Variants in SH3GL3 observed in about 807,000 individuals in gnomAD.
SH3GL3 encodes the protein endophilin-A3.
In SH3GL3, 33 loss-of-function variants were observed where a neutral mutation model predicts 47.7. That is an observed-to-expected ratio of 0.69 (90% CI 0.52 to 0.92). The LOEUF is 0.92. SH3GL3 is among the 40% of genes least tolerant of loss of function. The pLI is 0.00. For missense variants in SH3GL3, 363 were observed against 417.8 expected (o/e 0.87, Z 1.14); for synonymous variants, 155 against 148.8 (o/e 1.04, Z -0.30).
intron 1 of SH3GL3, among the ~76,000 whole-genome samples, chr15:83,526,942 T>G: frequency 6.6e-6 from 1 of 152,238 alleles, no homozygotes. Context: ...CCTCCTTGGT[T>G]AAATGTATTC....
At chr15:83,562,880 A>G (rs1041599516) in intron 2 of SH3GL3, among the ~76,000 whole-genome samples, 4 of 152,208 alleles carry the variant, frequency 2.6e-5, no homozygotes, top group African/African-American at 7.2e-5. Flanking sequence ...TGAACATACC[A>G]AAGAGAGCTC....
chr15:83,477,628 G>A (rs907275566), intron 1 of SH3GL3, among the ~76,000 whole-genome samples: 1 of 152,148 alleles, frequency 6.6e-6, no homozygotes, highest in African/African-American at 2.4e-5. Context: ...ATTGGAGCAG[G>A]CGTGGACCAT....
chr15:83,582,654 A>C (rs1249781569), intron 6 of SH3GL3, among the ~76,000 whole-genome samples: 1 of 152,284 alleles, frequency 6.6e-6, no homozygotes, highest in Non-Finnish European at 1.5e-5. Context: ...ATTATTACTA[A>C]TGTTTCAGGA....
chr15:83,593,818 AT>A (rs112418681), intron 8 of SH3GL3, among the ~76,000 whole-genome samples: 23,556 of 147,658 alleles, frequency 0.16, 1,874 homozygotes, highest in African/African-American at 0.18. Flanking sequence ...TTTTTCATAG[AT>A]TTTTTTTTTT....
At chr15:83,531,987 C>T (rs1293339912) in intron 1 of SH3GL3, among the ~76,000 whole-genome samples, 2 of 152,126 alleles carry the variant, frequency 1.3e-5, no homozygotes, top group African/African-American at 4.8e-5. Flanking sequence ...CTGAAAACTT[C>T]AGCATGTACA....
Position 83,483,560 on chromosome 15 carries a change from G to A in SH3GL3, c.45+35982G>A, listed in dbSNP as rs550149022. 5.8e-4 allele frequency among the ~76,000 whole-genome samples: 89 copies of A among 152,276 alleles called. 3 individuals carry two copies. In the South Asian group the frequency reaches 0.018, roughly 31 times the overall value. Reference sequence around the variant, plus strand: ...TGATTTGTTTACTGTTGTGTTCCCAGCCCCAGTACTTGTCACACAGTAGAC... The same window carrying A: ...TGATTTGTTTACTGTTGTGTTCCCAACCCCAGTACTTGTCACACAGTAGAC... On this transcript the variant is annotated intron_variant, in intron 1 of 8. Coordinates refer to ENST00000427482, the MANE Select transcript of SH3GL3 (RefSeq NM_003027.5).
At chr15:83,474,330 A>G (rs1397846805) in intron 1 of SH3GL3, among the ~76,000 whole-genome samples, 4 of 152,168 alleles carry the variant, frequency 2.6e-5, no homozygotes, top group Non-Finnish European at 5.9e-5. Context: ...GCTTCTGTTT[A>G]CCTTCAGCCT....
rs539683924 is a variant in SH3GL3, at chr15:83,530,071, T to G, written c.46-29182T>G. ...GCATCATGCTACTGCAGTCCTCCAG[T>G]GTAGGGGGTTGTTAGTGGTGCTTCA... On this transcript the variant is annotated intron_variant, in intron 1 of 8. Coordinates refer to ENST00000427482, the MANE Select transcript of SH3GL3 (RefSeq NM_003027.5). Among the ~76,000 whole-genome samples the G allele has an allele frequency of 3.3e-5, 5 of 152,002 alleles. No individual in the cohort carries two copies. The East Asian group carries it at 9.7e-4, about 30-fold the overall frequency.
At chr15:83,471,941 T>C (rs1200279261) in intron 1 of SH3GL3, among the ~76,000 whole-genome samples, 1 of 152,136 alleles carries the variant, frequency 6.6e-6, no homozygotes, top group Non-Finnish European at 1.5e-5. Context: ...TGGAGTGCAG[T>C]GGTGCCATCT....
chr15:83,528,988 A>G (rs990171782), intron 1 of SH3GL3, among the ~76,000 whole-genome samples: 1 of 151,804 alleles, frequency 6.6e-6, no homozygotes, highest in Non-Finnish European at 1.5e-5. Flanking sequence ...AGATGTGTTT[A>G]TGTTGATGGT....
At chr15:83,592,025 G>A (rs1045732204) in intron 8 of SH3GL3, among the ~76,000 whole-genome samples, 2 of 152,132 alleles carry the variant, frequency 1.3e-5, no homozygotes, top group Non-Finnish European at 2.9e-5. Context: ...GTGAGAAATG[G>A]CAGTTTCCCC....
At chr15:83,522,360 C>A (rs2043243649) in intron 1 of SH3GL3, among the ~76,000 whole-genome samples, 1 of 152,162 alleles carries the variant, frequency 6.6e-6, no homozygotes, top group Admixed American at 6.5e-5. Flanking sequence ...GAATGAACAA[C>A]CATAATGTGA....
intron 2 of SH3GL3, among the ~76,000 whole-genome samples, chr15:83,562,782 T>C (rs2045349578): frequency 6.6e-6 from 1 of 152,218 alleles, no homozygotes; most frequent in African/African-American, 2.4e-5. Flanking sequence ...TAACAGCATT[T>C]TCCTAAGCCC....
At chr15:83,566,358 G>GAGAA (rs2045535585) in intron 3 of SH3GL3, among the ~76,000 whole-genome samples, 1 of 121,316 alleles carries the variant, frequency 8.2e-6, no homozygotes, top group East Asian at 2.4e-4. Context: ...GAGAGAGAGA[G>GAGAA]AGAGAGAGTG....
At chr15:83,521,315 A>T (rs947380476) in intron 1 of SH3GL3, among the ~76,000 whole-genome samples, 2 of 152,240 alleles carry the variant, frequency 1.3e-5, no homozygotes, top group Admixed American at 6.5e-5. Flanking sequence ...TCATACAGGG[A>T]TCTGGCTATA....
In SH3GL3 at chr15:83,498,196, T is replaced by A. The variant is rs986317593; in HGVS notation, c.45+50618T>A. 3.3e-5 allele frequency among the ~76,000 whole-genome samples: 5 copies of A among 152,228 alleles called. No homozygotes were observed. In the East Asian group the frequency reaches 9.6e-4, roughly 29 times the overall value. ...ATTAGTTTTCAAAAAATATATTTTT[T>A]AAGTCCATCCAAACATTTTCATCAC... On this transcript the variant is annotated intron_variant, in intron 1 of 8. Transcript: ENST00000427482.
At chr15:83,523,584 G>T (rs1227188201) in intron 1 of SH3GL3, among the ~76,000 whole-genome samples, 3 of 152,212 alleles carry the variant, frequency 2.0e-5, no homozygotes, top group Admixed American at 2.0e-4. Context: ...CACATTAGCA[G>T]TTTTTGGCTC....
At chr15:83,500,240 C>T (rs1027497984) in intron 1 of SH3GL3, among the ~76,000 whole-genome samples, 2 of 152,092 alleles carry the variant, frequency 1.3e-5, no homozygotes, top group African/African-American at 2.4e-5. Flanking sequence ...CTTGATTGGG[C>T]GAACTACTTG....
At chr15:83,565,076 C>T in intron 2 of SH3GL3, 58 bp from the exon 3 acceptor site, 1 of 721,878 alleles carries the variant, frequency 1.4e-6, no homozygotes, top group East Asian at 2.6e-5. Flanking sequence ...TCTATTTGCT[C>T]TTTTGTGATT....
Sources: gnomAD v4.1 joint callset for allele counts (sites outside exome capture counted in the v4.1 genomes callset) on GRCh38, gnomAD v4.1.1 for gene constraint, MANE v1.5 for transcripts, NCBI Gene and HGNC (gene_info 2026-07-23, HGNC 2026-07-21) for gene names.